Variants in ABLIM3 observed in about 807,000 individuals in gnomAD.
ABLIM3 encodes actin-binding LIM protein 3.
Under a neutral mutation model 109.5 loss-of-function variants are expected in ABLIM3, and 61 were observed. The observed-to-expected ratio is 0.56, with a 90% confidence interval of 0.45 to 0.69. The LOEUF (loss-of-function observed/expected upper bound fraction) is 0.69. ABLIM3 is among the 30% of genes least tolerant of loss of function. The probability of loss-of-function intolerance (pLI) is 0.00; values close to 1 mark genes in which losing one functional copy is unlikely to be tolerated. For missense variants in ABLIM3, 796 were observed against 889.5 expected (o/e 0.89, Z 1.34); for synonymous variants, 300 against 324.8 (o/e 0.92, Z 0.82).
chr5:149,201,317 C>T (rs964615985), intron 5 of ABLIM3, among the ~76,000 whole-genome samples: 10 of 152,172 alleles, frequency 6.6e-5, no homozygotes, highest in African/African-American at 2.2e-4. Context: ...ATATGACACT[C>T]TCACTGGCCT....
At chr5:149,199,451 C>G (rs1581111594) in intron 4 of ABLIM3, among the ~76,000 whole-genome samples, 2 of 152,288 alleles carry the variant, frequency 1.3e-5, no homozygotes, top group Middle Eastern at 6.8e-3. Context: ...GAGCCCTGAG[C>G]CCTGGAATCC....
intron 2 of ABLIM3, among the ~76,000 whole-genome samples, chr5:149,165,168 C>A (rs999262093): frequency 2.0e-5 from 3 of 152,190 alleles, no homozygotes; most frequent in Admixed American, 6.5e-5. Flanking sequence ...AGTCTAATAA[C>A]CCAGGCAAAT....
chr5:149,186,359 A>G (rs1314476833), intron 3 of ABLIM3, among the ~76,000 whole-genome samples: 2 of 152,168 alleles, frequency 1.3e-5, no homozygotes, highest in Non-Finnish European at 2.9e-5. Flanking sequence ...GGTTGCAGTG[A>G]GTCAAGATCA....
intron 22 of ABLIM3, 30 bp from the exon 23 acceptor site, chr5:149,252,727 A>T: frequency 1.3e-6 from 2 of 1,586,194 alleles, no homozygotes; most frequent in Non-Finnish European, 1.7e-6. Context: ...ACCCTCACCC[A>T]AGCTGGAGAC....
In ABLIM3 at chr5:149,203,111, T is replaced by C. The variant is rs1758635503; in HGVS notation, c.448+2683T>C. The stretch of plus-strand genomic sequence containing the variant: ...TGCCATCACCATTGCACCACTACCC[T>C]CACCATCATCATCACTAACATCACC... On this transcript the variant is annotated intron_variant, in intron 5 of 23. Transcript: ENST00000309868. Among the ~76,000 whole-genome samples, 3 of 151,118 alleles carry C rather than the reference T, an allele frequency of 2.0e-5. No homozygotes were observed. In the East Asian group the frequency reaches 5.9e-4, roughly 30 times the overall value.
intron 1 of ABLIM3, 97 bp from the exon 2 acceptor site, chr5:149,141,912 G>A (rs1752491021): frequency 1.2e-6 from 1 of 867,538 alleles, no homozygotes; most frequent in Admixed American, 2.1e-5. Context: ...GCGCCTTCAA[G>A]GCCAGGGGCT....
intron 3 of ABLIM3, among the ~76,000 whole-genome samples, chr5:149,195,044 T>C (rs1757827333): frequency 6.6e-6 from 1 of 152,212 alleles, no homozygotes; most frequent in African/African-American, 2.4e-5. Context: ...GATTTTGAAA[T>C]TTCATAAAAT....
At chr5:149,167,404 T>C (rs925043301) in intron 2 of ABLIM3, among the ~76,000 whole-genome samples, 3 of 152,172 alleles carry the variant, frequency 2.0e-5, no homozygotes, top group Non-Finnish European at 2.9e-5. Context: ...GAGTTTGCAA[T>C]AAAACTTAAG....
chr5:149,216,812 G>T (rs2963495), intron 7 of ABLIM3, 147 bp from the exon 8 acceptor site: 303,924 of 655,226 alleles, frequency 0.46, 72,184 homozygotes, highest in East Asian at 0.58. Flanking sequence ...TTAGATGGTT[G>T]TGGACTCCCT....
intron 11 of ABLIM3, among the ~76,000 whole-genome samples, chr5:149,238,446 T>C (rs1217105545): frequency 6.6e-6 from 1 of 152,132 alleles, no homozygotes; most frequent in East Asian, 1.9e-4. Context: ...GCTGAGATTC[T>C]CTGGTTTCCG....
intron 2 of ABLIM3, among the ~76,000 whole-genome samples, chr5:149,144,284 A>G (rs1466125441): frequency 2.0e-5 from 3 of 152,176 alleles, no homozygotes; most frequent in Non-Finnish European, 4.4e-5. Context: ...CCTGGGGGAC[A>G]CAGCAAGCAC....
intron 3 of ABLIM3, among the ~76,000 whole-genome samples, chr5:149,188,160 G>C (rs1294521510): frequency 6.6e-6 from 1 of 152,142 alleles, no homozygotes; most frequent in African/African-American, 2.4e-5. Flanking sequence ...TTTCAGGTTT[G>C]TGCTAGGTTA....
chr5:149,200,714 C>A, intron 5 of ABLIM3: 1 of 442,994 alleles, frequency 2.3e-6, no homozygotes. Context: ...GATCTTATGT[C>A]CCATGGACGC....
At chr5:149,217,085 C>A in intron 8 of ABLIM3, 39 bp downstream of exon 8, 1 of 1,560,344 alleles carries the variant, frequency 6.4e-7, no homozygotes, top group Non-Finnish European at 8.8e-7. Flanking sequence ...TTCCGACCTG[C>A]TCATGACTGG....
intron 2 of ABLIM3, among the ~76,000 whole-genome samples, chr5:149,159,216 A>G (rs1325141539): frequency 6.6e-6 from 1 of 152,242 alleles, no homozygotes; most frequent in Non-Finnish European, 1.5e-5. Context: ...CAAACTATTG[A>G]CACATGCCAA....
intron 5 of ABLIM3, among the ~76,000 whole-genome samples, chr5:149,202,210 G>A (rs1210715853): frequency 6.6e-6 from 1 of 152,210 alleles, no homozygotes; most frequent in Non-Finnish European, 1.5e-5. Flanking sequence ...TCAGCTGAAT[G>A]TGGGAGTCTC....
At chr5:149,244,698 A>G in intron 15 of ABLIM3, 183 bp from the exon 16 acceptor site, 1 of 694,448 alleles carries the variant, frequency 1.4e-6, no homozygotes, top group East Asian at 2.6e-5. Flanking sequence ...TAAATGCAAA[A>G]TGAGGGTTTG....
intron 2 of ABLIM3, among the ~76,000 whole-genome samples, chr5:149,174,021 C>CAAAAA (rs57000637): frequency 3.0e-4 from 12 of 40,164 alleles, no homozygotes; most frequent in African/African-American, 5.3e-4. Context: ...GACTCCGTCT[C>CAAAAA]AAAAAAAAAA....
intron 9 of ABLIM3, among the ~76,000 whole-genome samples, chr5:149,231,729 A>T (rs1649880427): frequency 6.6e-6 from 1 of 152,078 alleles, no homozygotes; most frequent in South Asian, 2.1e-4. Flanking sequence ...CTTTGGTGGC[A>T]TTTCCCAAAC....
Sources: allele counts gnomAD v4.1 joint callset (sites outside exome capture counted in the v4.1 genomes callset), GRCh38; gene constraint gnomAD v4.1.1; transcripts MANE v1.5; gene names NCBI Gene and HGNC (gene_info 2026-07-23, HGNC 2026-07-21).